Variants in ERG observed in about 807,000 individuals in gnomAD.
ERG encodes transcriptional regulator ERG.
In ERG, 9 loss-of-function variants were observed where a neutral mutation model predicts 55.3. The observed-to-expected ratio is 0.16, with a 90% CI of 0.10 to 0.28. The LOEUF is 0.28. Among genes scored for constraint, ERG ranks in the 10% least tolerant of loss-of-function variants. The pLI is 1.00. For synonymous variants in ERG, 223 were observed against 237.3 expected (o/e 0.94, Z 0.55); for missense variants, 434 against 631.6 (o/e 0.69, Z 3.35).
intron 1 of ERG, among the ~76,000 whole-genome samples, chr21:38,459,324 A>G (rs568270320): frequency 6.6e-6 from 1 of 152,268 alleles, no homozygotes; most frequent in Non-Finnish European, 1.5e-5. Flanking sequence ...TCTAAGACAG[A>G]GAATGCAAGA....
chr21:38,576,743 C>T (rs1034334340), intron 1 of ERG, among the ~76,000 whole-genome samples: 25 of 152,222 alleles, frequency 1.6e-4, no homozygotes, highest in Admixed American at 2.6e-4. Flanking sequence ...GACGTGGCCC[C>T]CTCTGGAGAG....
chr21:38,634,269 C>T (rs1182854156), intron 1 of ERG, among the ~76,000 whole-genome samples: 1 of 152,098 alleles, frequency 6.6e-6, no homozygotes, highest in African/African-American at 2.4e-5. Context: ...TCCTAGTCCC[C>T]ATTATGAGCA....
intron 9 of ERG, among the ~76,000 whole-genome samples, chr21:38,390,178 C>CACTGAAACACTAGGACAGGTG (rs1313657651): frequency 1.3e-5 from 2 of 152,176 alleles, no homozygotes; most frequent in Non-Finnish European, 2.9e-5. Flanking sequence ...ATGTGGTTGG[C>CACTGAAACACTAGGACAGGTG]ACTGAAACAC....
intron 2 of ERG, among the ~76,000 whole-genome samples, chr21:38,526,032 A>G (rs577373821): frequency 6.6e-6 from 1 of 152,316 alleles, no homozygotes; most frequent in East Asian, 1.9e-4. Context: ...GAACTCAAAG[A>G]CATGATATTG....
At chr21:38,479,099 T>C (rs1244483513) in intron 1 of ERG, among the ~76,000 whole-genome samples, 1 of 152,250 alleles carries the variant, frequency 6.6e-6, no homozygotes, top group Non-Finnish European at 1.5e-5. Context: ...TTACAGTGAT[T>C]TTATTTTGAC....
chr21:38,467,088 C>T (rs959597935), intron 1 of ERG, among the ~76,000 whole-genome samples: 3 of 152,116 alleles, frequency 2.0e-5, no homozygotes, highest in Non-Finnish European at 4.4e-5. Flanking sequence ...AATCCAATCT[C>T]GGCCCTCAAG....
At chr21:38,415,394 TTTTAGCCTCACA>T (rs369268510) in intron 3 of ERG, among the ~76,000 whole-genome samples, 67 of 152,328 alleles carry the variant, frequency 4.4e-4, no homozygotes, top group Middle Eastern at 6.8e-3. Context: ...AATGACTTGA[TTTTAGCCTCACA>T]TTTAACCCAA....
At chr21:38,653,381 C>T (rs371228418) in intron 1 of ERG, among the ~76,000 whole-genome samples, 1 of 152,162 alleles carries the variant, frequency 6.6e-6, no homozygotes, top group South Asian at 2.1e-4. Flanking sequence ...GGATGGAGTC[C>T]TGTATCTTCT....
chr21:38,592,615 T>C (rs1054355685), intron 1 of ERG, among the ~76,000 whole-genome samples: 2 of 148,576 alleles, frequency 1.3e-5, no homozygotes, highest in African/African-American at 2.6e-5. Flanking sequence ...GTGCTTTTCC[T>C]ATGTAAACTG....
intron 2 of ERG, among the ~76,000 whole-genome samples, chr21:38,440,375 T>C (rs1422943896): frequency 1.3e-5 from 2 of 152,224 alleles, no homozygotes; most frequent in Non-Finnish European, 2.9e-5. Flanking sequence ...AGCCCCTCCG[T>C]GGCAGAATCT....
chr21:38,450,116 G>A (rs973314718), intron 1 of ERG, among the ~76,000 whole-genome samples: 2 of 151,912 alleles, frequency 1.3e-5, no homozygotes, highest in African/African-American at 4.8e-5. Flanking sequence ...CTTGGTTCGG[G>A]CATGGTGGCT....
At chr21:38,534,807 G>A (rs944517772) in intron 2 of ERG, among the ~76,000 whole-genome samples, 1 of 152,110 alleles carries the variant, frequency 6.6e-6, no homozygotes, top group Non-Finnish European at 1.5e-5. Context: ...TAGCCAAAAG[G>A]TCAAAGCAAC....
intron 3 of ERG, among the ~76,000 whole-genome samples, chr21:38,415,137 C>T (rs989376284): frequency 1.3e-5 from 2 of 152,230 alleles, no homozygotes; most frequent in Non-Finnish European, 1.5e-5. Context: ...AGAACCCAGA[C>T]TGTGGAGTCA....
chr21:38,431,527 G>T (rs1189663119), intron 2 of ERG, among the ~76,000 whole-genome samples: 2 of 152,110 alleles, frequency 1.3e-5, no homozygotes, highest in African/African-American at 4.8e-5. Context: ...GAATAAAAAT[G>T]AGGAAACAAG....
At chr21:38,570,278 C>G (rs905648110) in intron 2 of ERG, among the ~76,000 whole-genome samples, 4 of 152,218 alleles carry the variant, frequency 2.6e-5, no homozygotes, top group Admixed American at 6.5e-5. Flanking sequence ...AACTAGCCAG[C>G]ATGTGCCACA....
intron 2 of ERG, among the ~76,000 whole-genome samples, chr21:38,427,402 A>G (rs1989884951): frequency 6.6e-6 from 1 of 152,216 alleles, no homozygotes; most frequent in Non-Finnish European, 1.5e-5. Context: ...ACAGCAAAAG[A>G]GTAGCCTTAA....
intron 1 of ERG, among the ~76,000 whole-genome samples, chr21:38,638,609 G>C (rs1449098083): frequency 6.6e-6 from 1 of 152,248 alleles, no homozygotes; most frequent in Admixed American, 6.5e-5. Flanking sequence ...GCAAATAAGA[G>C]AATGGCAGTT....
chr21:38,466,300 G>GGTGTGT (rs145670035), intron 1 of ERG, among the ~76,000 whole-genome samples: 1,927 of 140,664 alleles, frequency 0.014, 31 homozygotes, highest in African/African-American at 0.038. Context: ...GATGGTCTGG[G>GGTGTGT]GTGTGTGTGT....
chr21:38,435,651 TC>T (rs1990411358), intron 2 of ERG, among the ~76,000 whole-genome samples: 1 of 152,198 alleles, frequency 6.6e-6, no homozygotes, highest in Admixed American at 6.5e-5. Flanking sequence ...TAGTTCTTTG[TC>T]CCCTTAAAGG....
Sources: gnomAD v4.1 joint callset for allele counts (sites outside exome capture counted in the v4.1 genomes callset) on GRCh38, gnomAD v4.1.1 for gene constraint, MANE v1.5 for transcripts, NCBI Gene and HGNC (gene_info 2026-07-23, HGNC 2026-07-21) for gene names.